The following SGCZ variants were observed in gnomAD, a reference collection of about 807,000 sequenced individuals.
The protein encoded by SGCZ is zeta-sarcoglycan.
Under a neutral mutation model 41.3 loss-of-function variants are expected in SGCZ, and 40 were observed. The observed-to-expected ratio is 0.97, with a 90% CI of 0.75 to 1.26. SGCZ has a LOEUF of 1.26. Among genes scored for constraint, SGCZ ranks in the 50% most tolerant of loss-of-function variants. The probability of loss-of-function intolerance (pLI) is 0.00; values close to 1 mark genes in which losing one functional copy is unlikely to be tolerated. For synonymous variants in SGCZ, 206 were observed against 137.5 expected, an observed-to-expected ratio of 1.50 and a Z score of -3.49; for missense variants, 552 against 369.8, an observed-to-expected ratio of 1.49 and a Z score of -4.04.
In SGCZ at chr8:14,088,542, T is replaced by A. The variant is rs1031025105; in HGVS notation, c.*1901A>T. The stretch of plus-strand genomic sequence containing the variant: ...AAGACCAATGTGAGATTTCTTATAT[T>A]AAATTCTCTTATTTTAATATAAATT... On this transcript the variant is annotated 3_prime_UTR_variant, in exon 8 of 8. Transcript: ENST00000382080. Among the ~76,000 whole-genome samples, 9 of 151,878 alleles carry A rather than the reference T, an allele frequency of 5.9e-5. No individual in the cohort carries two copies. The highest frequency in any genetic ancestry group is 1.0e-4 in the Non-Finnish European group (7 of 67,848).
At chr8:14,200,401 A>G (rs1805415436) in intron 4 of SGCZ, among the ~76,000 whole-genome samples, 1 of 152,186 alleles carries the variant, frequency 6.6e-6, no homozygotes, top group Non-Finnish European at 1.5e-5. Flanking sequence ...AAAATAGCCA[A>G]AATTATTTTT....
intron 3 of SGCZ, among the ~76,000 whole-genome samples, chr8:14,289,642 G>C (rs1266658380): frequency 6.6e-6 from 1 of 151,830 alleles, no homozygotes; most frequent in South Asian, 2.1e-4. Flanking sequence ...TGTATAGAAA[G>C]GCCAGAAATA....
At chr8:14,317,333 G>C (rs903614057) in intron 3 of SGCZ, among the ~76,000 whole-genome samples, 1 of 151,910 alleles carries the variant, frequency 6.6e-6, no homozygotes, top group Non-Finnish European at 1.5e-5. Context: ...ATAAAACTAA[G>C]GCAAAGAGGG....
intron 1 of SGCZ, among the ~76,000 whole-genome samples, chr8:14,792,440 T>C (rs1003543679): frequency 2.0e-5 from 3 of 152,142 alleles, no homozygotes; most frequent in Non-Finnish European, 4.4e-5. Context: ...TTCAACTCTT[T>C]CCATTCATGC....
chr8:14,350,157 GAACA>G (rs5889530), intron 2 of SGCZ, among the ~76,000 whole-genome samples: 8,579 of 151,804 alleles, frequency 0.057, 693 homozygotes, highest in African/African-American at 0.18. Context: ...AAAAACAAAT[GAACA>G]AACAAACAAA....
rs1801491826 is a variant in SGCZ, at chr8:14,085,262, T to C, written c.*5181A>G. 6.6e-6 allele frequency among the ~76,000 whole-genome samples: 1 copy of C among 151,790 alleles called. No individual in the cohort carries two copies. The highest frequency in any genetic ancestry group is 1.5e-5 in the Non-Finnish European group (1 of 67,814). ...TGTAAGAAAATAGTTCCATTTTTCA[T>C]ATATCTATATATACAAGAAAACATT... On this transcript the variant is annotated 3_prime_UTR_variant, in exon 8 of 8. Transcript: ENST00000382080.
At chr8:14,507,742 G>GT (rs35080832) in intron 2 of SGCZ, among the ~76,000 whole-genome samples, 11,473 of 144,158 alleles carry the variant, frequency 0.08, 715 homozygotes, top group African/African-American at 0.19. Flanking sequence ...CTACATTGCT[G>GT]TTTTTGTTTG....
chr8:14,400,017 T>A (rs961069310), intron 2 of SGCZ, among the ~76,000 whole-genome samples: 2 of 151,274 alleles, frequency 1.3e-5, no homozygotes, highest in Non-Finnish European at 3.0e-5. Flanking sequence ...GTTAAGCCCC[T>A]GTTCCCTTCC....
intron 1 of SGCZ, among the ~76,000 whole-genome samples, chr8:15,019,459 T>A (rs1314651495): frequency 1.3e-5 from 2 of 152,148 alleles, no homozygotes; most frequent in Admixed American, 6.5e-5. Context: ...TGTGCAGCTC[T>A]CTTTCCTCTT....
In SGCZ at chr8:14,718,387, G is replaced by A. The variant is rs542314192; in HGVS notation, c.40-163461C>T. 2.1e-3 allele frequency among the ~76,000 whole-genome samples: 324 copies of A among 151,928 alleles called. 3 individuals carry two copies. Among genetic ancestry groups the A allele is most frequent in the African/African-American group, 7.6e-3 (317 of 41,474 alleles). On this transcript the variant is annotated intron_variant, in intron 1 of 7. Coordinates refer to ENST00000382080, the MANE Select transcript of SGCZ (RefSeq NM_139167.4). ...GAAAGCAAAATGTCACTAAAAAAAAGAGAGAAACCAATATTATCTATATAC... is the reference window on the plus strand; with the variant it reads ...GAAAGCAAAATGTCACTAAAAAAAAAAGAGAAACCAATATTATCTATATAC...
intron 2 of SGCZ, among the ~76,000 whole-genome samples, chr8:14,477,377 T>C (rs1801391974): frequency 1.3e-5 from 2 of 152,148 alleles, no homozygotes; most frequent in African/African-American, 4.8e-5. Context: ...ATGTTAATAT[T>C]CTTCACTGAA....
At chr8:15,236,140 G>A (rs1321365857) in intron 1 of SGCZ, among the ~76,000 whole-genome samples, 1 of 152,168 alleles carries the variant, frequency 6.6e-6, no homozygotes, top group Non-Finnish European at 1.5e-5. Context: ...AGTCTTCGGT[G>A]GAAGTGGTGT....
chr8:14,719,156 A>G (rs1809798844), intron 1 of SGCZ, among the ~76,000 whole-genome samples: 2 of 150,762 alleles, frequency 1.3e-5, no homozygotes, highest in African/African-American at 4.9e-5. Context: ...TTCCAGTTTC[A>G]TCCATGTCCC....
intron 3 of SGCZ, among the ~76,000 whole-genome samples, chr8:14,265,373 A>C (rs1799833830): frequency 6.6e-6 from 1 of 152,140 alleles, no homozygotes; most frequent in Non-Finnish European, 1.5e-5. Context: ...TTCCATTTCC[A>C]TTTACAAAAT....
At chr8:14,253,110 A>T (rs1799340305) in intron 3 of SGCZ, among the ~76,000 whole-genome samples, 1 of 152,166 alleles carries the variant, frequency 6.6e-6, no homozygotes, top group East Asian at 1.9e-4. Context: ...GTTGAGAAGA[A>T]GTAAATATAG....
chr8:14,893,540 G>C (rs1203136827), intron 1 of SGCZ, among the ~76,000 whole-genome samples: 1 of 152,152 alleles, frequency 6.6e-6, no homozygotes, highest in African/African-American at 2.4e-5. Flanking sequence ...ATATTTTAAT[G>C]TATGTATGCT....
intron 7 of SGCZ, among the ~76,000 whole-genome samples, chr8:14,094,095 C>G (rs1439660536): frequency 2.0e-5 from 3 of 152,038 alleles, no homozygotes; most frequent in Admixed American, 2.0e-4. Context: ...GTTTTCTCTT[C>G]CATATACCAT....
intron 4 of SGCZ, among the ~76,000 whole-genome samples, chr8:14,186,714 A>C (rs531048169): frequency 5.3e-5 from 8 of 152,344 alleles, no homozygotes; most frequent in African/African-American, 9.6e-5. Context: ...ATTCAAATGA[A>C]AGCTTTATTT....
At chr8:14,717,672 AT>A (rs1375544268) in intron 1 of SGCZ, among the ~76,000 whole-genome samples, 1 of 152,082 alleles carries the variant, frequency 6.6e-6, no homozygotes, top group African/African-American at 2.4e-5. Context: ...ATTCTTAATA[AT>A]TTTTGAAAAT....
Sources: gnomAD v4.1 joint callset for allele counts (sites outside exome capture counted in the v4.1 genomes callset) on GRCh38, gnomAD v4.1.1 for gene constraint, MANE v1.5 for transcripts, NCBI Gene and HGNC (gene_info 2026-07-23, HGNC 2026-07-21) for gene names.